Variants in ZNF804B observed in about 807,000 individuals in gnomAD.
ZNF804B encodes the protein zinc finger protein 804B, also known as zinc finger 804B.
Under a neutral mutation model 101.4 loss-of-function variants are expected in ZNF804B, and 80 were observed. The observed-to-expected ratio is 0.79, with a 90% CI of 0.66 to 0.95. ZNF804B has a LOEUF of 0.95. ZNF804B is among the 40% of genes least tolerant of loss of function. ZNF804B has a pLI of 0.00. For synonymous variants in ZNF804B, 622 were observed against 558.8 expected, an observed-to-expected ratio of 1.11 and a Z score of -1.59; for missense variants, 1,673 against 1,561.9, an observed-to-expected ratio of 1.07 and a Z score of -1.20.
chr7:89,181,791 A>G (rs553590814), intron 1 of ZNF804B, among the ~76,000 whole-genome samples: 6 of 152,200 alleles, frequency 3.9e-5, no homozygotes, highest in Admixed American at 2.0e-4. Flanking sequence ...TTAAAGTTCT[A>G]TTGATCGGGT....
At chr7:89,174,129 G>A (rs998194793) in intron 1 of ZNF804B, among the ~76,000 whole-genome samples, 6 of 151,812 alleles carry the variant, frequency 4.0e-5, no homozygotes, top group South Asian at 2.1e-4. Context: ...ATGTATAAGA[G>A]ATCAATGTTG....
At chr7:89,223,220 T>C (rs2115716729) in intron 2 of ZNF804B, among the ~76,000 whole-genome samples, 1 of 152,008 alleles carries the variant, frequency 6.6e-6, no homozygotes, top group Non-Finnish European at 1.5e-5. Flanking sequence ...TCTGTTGACC[T>C]TCCAAAAATA....
At chr7:89,280,663 G>A (rs1790077819) in intron 2 of ZNF804B, among the ~76,000 whole-genome samples, 1 of 152,118 alleles carries the variant, frequency 6.6e-6, no homozygotes, top group South Asian at 2.1e-4. Context: ...AGAAGAAATG[G>A]ATAAATTCCT....
chr7:88,878,471 A>G (rs1291610247), intron 1 of ZNF804B, among the ~76,000 whole-genome samples: 2 of 152,192 alleles, frequency 1.3e-5, no homozygotes, highest in Non-Finnish European at 1.5e-5. Flanking sequence ...TCTGTAAAAC[A>G]GATATAATAA....
At chr7:88,907,922 T>C (rs1430613141) in intron 1 of ZNF804B, among the ~76,000 whole-genome samples, 1 of 151,980 alleles carries the variant, frequency 6.6e-6, no homozygotes, top group East Asian at 1.9e-4. Context: ...TAAAACTGTA[T>C]TGACTATTTG....
intron 1 of ZNF804B, among the ~76,000 whole-genome samples, chr7:89,112,376 G>A (rs990753718): frequency 3.3e-5 from 5 of 152,134 alleles, no homozygotes; most frequent in African/African-American, 1.2e-4. Flanking sequence ...TGAAAAGGCT[G>A]TCTTTTCCCC....
At chr7:89,193,469 C>T (rs575010108) in intron 1 of ZNF804B, among the ~76,000 whole-genome samples, 1 of 119,632 alleles carries the variant, frequency 8.4e-6, no homozygotes, top group Non-Finnish European at 1.7e-5. Flanking sequence ...CCCCTCCCCC[C>T]ACCCCACAAC....
At chr7:89,196,150 A>AACTATACTT (rs1788548791) in intron 1 of ZNF804B, among the ~76,000 whole-genome samples, 1 of 152,182 alleles carries the variant, frequency 6.6e-6, no homozygotes, top group South Asian at 2.1e-4. Flanking sequence ...CCTGACTTCA[A>AACTATACTT]ACTATACTTC....
At chr7:89,056,150 T>C (rs896853766) in intron 1 of ZNF804B, among the ~76,000 whole-genome samples, 4 of 152,050 alleles carry the variant, frequency 2.6e-5, no homozygotes, top group African/African-American at 9.7e-5. Flanking sequence ...GTCTTTGGGA[T>C]ATTGCTTTTT....
intron 1 of ZNF804B, among the ~76,000 whole-genome samples, chr7:89,215,410 C>A (rs1474510243): frequency 6.6e-6 from 1 of 152,040 alleles, no homozygotes; most frequent in African/African-American, 2.4e-5. Context: ...GTCATAAAAT[C>A]ACCTACATAA....
intron 1 of ZNF804B, among the ~76,000 whole-genome samples, chr7:88,883,793 A>C (rs1792078885): frequency 6.8e-6 from 1 of 146,646 alleles, no homozygotes; most frequent in South Asian, 2.2e-4. Flanking sequence ...AGAAGCACTG[A>C]ATGTGTGTAT....
intron 1 of ZNF804B, among the ~76,000 whole-genome samples, chr7:89,201,082 T>C (rs1289982288): frequency 3.9e-5 from 6 of 152,032 alleles, no homozygotes; most frequent in Non-Finnish European, 5.9e-5. Flanking sequence ...TTTTAAGATA[T>C]AGTTGTTTCT....
chr7:88,829,598 A>G (rs1443735079), intron 1 of ZNF804B, among the ~76,000 whole-genome samples: 2 of 152,140 alleles, frequency 1.3e-5, no homozygotes, highest in Non-Finnish European at 2.9e-5. Context: ...AAAGTCTCAT[A>G]TAATAAAGCT....
intron 2 of ZNF804B, among the ~76,000 whole-genome samples, chr7:89,261,441 T>C (rs1324729765): frequency 1.3e-5 from 2 of 152,168 alleles, no homozygotes. Context: ...CAAATGTTTC[T>C]TATATAGTTA....
At position 89,246,627 on chromosome 7, in the gene ZNF804B, G is replaced by A. The variant is rs1227371631; in HGVS notation, c.249+28332G>A. Among the ~76,000 whole-genome samples, 3 of 152,182 alleles carry A rather than the reference G, an allele frequency of 2.0e-5. No individual in the cohort carries two copies. In the East Asian group the frequency reaches 5.8e-4, roughly 30 times the overall value. On this transcript the variant is annotated intron_variant, in intron 2 of 3. Transcript: ENST00000333190. ...GAGCACCTGCTCACTTGGTTCAGCA[G>A]CCTGAGCCATTTCATTCTTCCTGGC...
chr7:88,858,010 A>G (rs1337278590), intron 1 of ZNF804B, among the ~76,000 whole-genome samples: 1 of 151,264 alleles, frequency 6.6e-6, no homozygotes, highest in East Asian at 1.9e-4. Flanking sequence ...TTTAGTAGAG[A>G]CAGGGTTTTG....
chr7:89,129,990 G>A (rs1477610529), intron 1 of ZNF804B, among the ~76,000 whole-genome samples: 1 of 151,982 alleles, frequency 6.6e-6, no homozygotes, highest in East Asian at 1.9e-4. Flanking sequence ...TGGTAAAATT[G>A]TGTGTAGACT....
intron 2 of ZNF804B, among the ~76,000 whole-genome samples, chr7:89,251,295 A>G (rs1373370761): frequency 2.0e-5 from 3 of 152,194 alleles, no homozygotes; most frequent in Admixed American, 1.3e-4. Flanking sequence ...CTATACACCA[A>G]TAATATTCAA....
At chr7:89,123,036 C>T (rs1056364151) in intron 1 of ZNF804B, among the ~76,000 whole-genome samples, 3 of 151,946 alleles carry the variant, frequency 2.0e-5, no homozygotes, top group Admixed American at 1.3e-4. Context: ...ACCATGATCC[C>T]GTGGTGTCTA....
Sources: gnomAD v4.1 joint callset for allele counts (sites outside exome capture counted in the v4.1 genomes callset) on GRCh38, gnomAD v4.1.1 for gene constraint, MANE v1.5 for transcripts, NCBI Gene and HGNC (gene_info 2026-07-23, HGNC 2026-07-21) for gene names.